The following MARF1 variants were observed in gnomAD, a reference collection of about 807,000 sequenced individuals.
The protein encoded by MARF1 is meiosis regulator and mRNA stability factor 1.
Under a neutral mutation model 168.2 loss-of-function variants are expected in MARF1, and 24 were observed. That is an observed-to-expected ratio of 0.14 (90% CI 0.10 to 0.20). The LOEUF (loss-of-function observed/expected upper bound fraction) is 0.20, where lower values mean the gene tolerates loss of function less well. MARF1 is among the 10% of genes least tolerant of loss of function. The pLI is 1.00. For missense variants in MARF1, 1,744 were observed against 2,143.6 expected (o/e 0.81, Z 3.68); for synonymous variants, 868 against 822.4 (o/e 1.06, Z -0.95).
Position 15,596,800 on chromosome 16 carries a change from CGGA to C in MARF1, c.5119_5121del (p.Ser1707del), listed in dbSNP as rs761451573. 1 of 1,614,026 alleles carries C rather than the reference CGGA, an allele frequency of 6.2e-7. No individual in the cohort carries two copies. The highest frequency in any genetic ancestry group is 8.5e-7 in the Non-Finnish European group (1 of 1,179,960). ...ACGGGGTCCTTGCTGAGCAGTGACT[CGGA>C]GGTTTCCGAGGAGGGGCAGGGAGGC... On this transcript the variant is annotated inframe_deletion, in exon 27 of 27. Transcript: ENST00000396368.
At chr16:15,600,816 G>T in intron 23 of MARF1, 115 bp from the exon 24 acceptor site, 1 of 1,031,042 alleles carries the variant, frequency 9.7e-7, no homozygotes, top group Non-Finnish European at 1.5e-6. Context: ...TAGGAGCTGA[G>T]TTACTGCCAA....
intron 1 of MARF1, among the ~76,000 whole-genome samples, chr16:15,641,445 C>T (rs985487337): frequency 2.0e-5 from 3 of 152,192 alleles, no homozygotes; most frequent in African/African-American, 7.2e-5. Flanking sequence ...ATAACTTAAA[C>T]ATTCTCTCAA....
chr16:15,634,962 G>C (rs2035487848), intron 3 of MARF1, 31 bp from the exon 4 acceptor site: 2 of 1,595,544 alleles, frequency 1.3e-6, no homozygotes, highest in Middle Eastern at 1.7e-4. Flanking sequence ...AAAGGAGGAG[G>C]TGTCAGATAC....
intron 7 of MARF1, among the ~76,000 whole-genome samples, chr16:15,627,808 G>C (rs1018371819): frequency 6.6e-6 from 1 of 152,142 alleles, no homozygotes; most frequent in African/African-American, 2.4e-5. Flanking sequence ...TTTGCACTGT[G>C]TTAAAGATTA....
chr16:15,618,076 A>G (rs2034194342), intron 13 of MARF1, among the ~76,000 whole-genome samples: 2 of 151,988 alleles, frequency 1.3e-5, no homozygotes, highest in Non-Finnish European at 2.9e-5. Flanking sequence ...CTCCACTTCA[A>G]CCTGTGTGAC....
intron 7 of MARF1, among the ~76,000 whole-genome samples, chr16:15,629,275 G>A (rs2035083897): frequency 6.6e-6 from 1 of 152,088 alleles, no homozygotes; most frequent in African/African-American, 2.4e-5. Context: ...AAAAGATTAA[G>A]GTAAGGCCTG....
At chr16:15,600,766 G>A (rs2032343898) in intron 23 of MARF1, 65 bp from the exon 24 acceptor site, 3 of 1,553,292 alleles carry the variant, frequency 1.9e-6, no homozygotes, top group Non-Finnish European at 1.8e-6. Context: ...CTAACATTCA[G>A]GAAGAGTGTG....
At chr16:15,623,906 TTC>T (rs1335484208) in intron 10 of MARF1, among the ~76,000 whole-genome samples, 4 of 151,496 alleles carry the variant, frequency 2.6e-5, no homozygotes, top group Middle Eastern at 3.4e-3. Flanking sequence ...CATAGTCACT[TTC>T]TCTTTTTTTT....
In MARF1 at chr16:15,633,717, C is replaced by T; in HGVS notation, c.1133G>A (p.Arg378His). The change falls in exon 5 of 27, where the codon CGT becomes CAT. Residue 378 changes from arginine (R) to histidine (H), a missense_variant. Arg to His is a conservative substitution (Grantham distance 29). Transcript: ENST00000396368. ...TCTGTGGCCTTTAAAAAACTTCTCA[C>T]GGATTCTTTGCACAACAGCAGTTGC... ...RSATAVVQRI[R>H]EKFFKGHREA... The T allele has an allele frequency of 1.9e-6, 3 of 1,614,038 alleles. No individual in the cohort carries two copies. The highest frequency in any genetic ancestry group is 1.7e-5 in the Admixed American group (1 of 60,004).
At chr16:15,641,363 T>C (rs2035940979) in intron 1 of MARF1, among the ~76,000 whole-genome samples, 1 of 152,188 alleles carries the variant, frequency 6.6e-6, no homozygotes, top group Non-Finnish European at 1.5e-5. Context: ...GTCTTTCCTA[T>C]TAGATACAGG....
Position 15,596,979 on chromosome 16 carries a change from G to C in MARF1, c.4985-42C>G, listed in dbSNP as rs201525755. On this transcript the variant is annotated intron_variant, in intron 26 of 26. Transcript: ENST00000396368. Reference sequence around the variant, plus strand: ...GCAAACAGATTCAGATCCAGGAACTGTAAGAAGTGTGGGTTTTCTCTTCCT... The same window carrying C: ...GCAAACAGATTCAGATCCAGGAACTCTAAGAAGTGTGGGTTTTCTCTTCCT... 1.1e-4 allele frequency: 170 copies of C among 1,546,030 alleles called. No individual in the cohort carries two copies. The African/African-American group carries it at 2.0e-3, about 18-fold the overall frequency.
Position 15,601,818 on chromosome 16 carries a change from A to G in MARF1, c.4626+173T>C, listed in dbSNP as rs7200700. 12,546 of 642,194 alleles carry G rather than the reference A, an allele frequency of 0.02. 1,135 individuals are homozygous for G. In the African/African-American group the frequency reaches 0.2, roughly 10 times the overall value. 39.8% of individuals were successfully genotyped at this position (642,194 alleles called of 1,614,324 possible). A position where few individuals can be genotyped will look rare whatever the true frequency, so the allele number is the denominator to read the frequency against. ...GGATTTAATAAAGGTTTACAGAAAG[A>G]ATCAAGGAGAAATGCTAAAATCATT... On this transcript the variant is annotated intron_variant, in intron 23 of 26. Transcript: ENST00000396368.
chr16:15,596,856 G>C lies in MARF1; in HGVS notation c.5066C>G (p.Ser1689Trp), dbSNP rs754894481. The C allele has an allele frequency of 6.2e-7, 1 of 1,614,056 alleles. No homozygotes were observed. The highest frequency in any genetic ancestry group is 8.5e-7 in the Non-Finnish European group (1 of 1,179,956). Residue 1689 changes from serine to tryptophan, a missense_variant, in exon 27 of 27, where the codon TCG (serine) becomes TGG (tryptophan). Physicochemically the swap from Ser to Trp is radical, Grantham distance 177 (BLOSUM62 -3). This residue lies in a region of MARF1 where 313 missense variants were observed against 337.4 expected (regional missense o/e 0.93). Coordinates refer to ENST00000396368, the MANE Select transcript of MARF1 (RefSeq NM_014647.4). ...GGGGACAGCTGCTGAGATGCAGGAC[G>C]AGCTGGAGTCAGAGGTCAGAGTTTT... is the stretch of plus-strand genomic sequence containing the variant. Reference protein sequence around the residue: ...KSKTLTSDSSSSCISAAVPVP... With the variant: ...KSKTLTSDSSWSCISAAVPVP...
rs539854536 is a variant in MARF1 at position 15,636,181 on chromosome 16, A to C, written c.306T>G (p.Cys102Trp). 1 of 1,614,258 alleles carries C rather than the reference A, an allele frequency of 6.2e-7. No homozygotes were observed. Among genetic ancestry groups the C allele is most frequent in the Non-Finnish European group, 8.5e-7 (1 of 1,180,046 alleles). Residue 102 changes from cysteine (C) to tryptophan (W), a missense_variant, in exon 3 of 27, where the codon TGT (cysteine) becomes TGG (tryptophan). By Grantham distance (215) the Cys-to-Trp change is radical. Transcript: ENST00000396368. The stretch of plus-strand genomic sequence containing the variant: ...TGGAGGGTTCATTAGGGCAATGAGC[A>C]CAGCAGCTTACTTTGGGGACAGAAG... ...QLSSVPKVSC[C>W]AHCPNEPSTS...
At position 15,604,183 on chromosome 16, in the gene MARF1, C is replaced by A. The variant is rs1206894487; in HGVS notation, c.4398G>T (p.Leu1466=). Residue 1466 remains leucine (L), a synonymous_variant, in exon 22 of 27, where the codon CTG becomes CTT. Transcript: ENST00000396368. ...FMTLTELLKS[L]PYLVEVFTND... ...ACGTGCCTACCTCAACCAAGTATGG[C>A]AGGCTCTTCAGCAGTTCGGTCAAGG... 6.2e-7 allele frequency: 1 copy of A among 1,613,096 alleles called. No individual in the cohort carries two copies. The highest frequency in any genetic ancestry group is 2.2e-5 in the East Asian group (1 of 44,898).
chr16:15,611,044 C>T lies in MARF1; in HGVS notation c.3682G>A (p.Glu1228Lys). The T allele has an allele frequency of 6.2e-7, 1 of 1,613,870 alleles. No homozygotes were observed. The highest frequency in any genetic ancestry group is 8.5e-7 in the Non-Finnish European group (1 of 1,179,724). ...GVCELIDIVS[E>K]IPDTTICLSQ... ...AAGCAGATGGTTGTGTCTGGAATCT[C>T]TGATACGATGTCAATCAACTCACAA... Residue 1228 changes from glutamate (E) to lysine (K), a missense_variant, in exon 19 of 27, where the codon GAG becomes AAG. Around this residue, in one of 7 missense-constraint regions of MARF1, gnomAD observed 543 missense variants for 742.1 expected, o/e 0.73. Transcript: ENST00000396368.
At chr16:15,635,041 G>T in intron 3 of MARF1, 110 bp from the exon 4 acceptor site, 2 of 845,014 alleles carry the variant, frequency 2.4e-6, no homozygotes, top group Non-Finnish European at 3.6e-6. Context: ...CTTTCCACTT[G>T]CTAGCCTCTA....
intron 6 of MARF1, 136 bp from the exon 7 acceptor site, chr16:15,630,640 G>A (rs1567580550): frequency 1.5e-6 from 1 of 649,348 alleles, no homozygotes; most frequent in Non-Finnish European, 2.4e-6. Context: ...CGTTTCTTAG[G>A]AAAGAAACAC....
At position 15,624,792 on chromosome 16, in the gene MARF1, G is replaced by T. The variant is rs774748276; in HGVS notation, c.2247C>A (p.Leu749=). Residue 749 remains leucine (L), a synonymous_variant, in exon 10 of 27, where the codon CTC becomes CTA. Transcript: ENST00000396368. ...LVASRQVSPL[L]ASQSWSSRSM... is the part of the protein sequence containing the mutation. ...ACCTAGAAGACCAAGACTGAGATGC[G>T]AGCAGAGGACTGACTTGCCTGGATG... The T allele has an allele frequency of 1.9e-6, 3 of 1,614,060 alleles. No individual in the cohort carries two copies. Among genetic ancestry groups the T allele is most frequent in the Non-Finnish European group, 2.5e-6 (3 of 1,180,036 alleles).
Sources: allele counts gnomAD v4.1 joint callset (sites outside exome capture counted in the v4.1 genomes callset), GRCh38; gene constraint gnomAD v4.1.1; regional missense constraint gnomAD v4.1.1; transcripts MANE v1.5; gene names NCBI Gene and HGNC (gene_info 2026-07-23, HGNC 2026-07-21).